Variants in PDZD8 observed in about 807,000 individuals in gnomAD.
The protein encoded by PDZD8 is PDZ domain containing 8.
A neutral mutation model predicts 85.8 loss-of-function variants in PDZD8; 14 were observed. The observed-to-expected ratio is 0.16, with a 90% CI of 0.11 to 0.26. The LOEUF (loss-of-function observed/expected upper bound fraction) is 0.26, where lower values mean the gene tolerates loss of function less well. Among genes scored for constraint, PDZD8 ranks in the 10% least tolerant of loss-of-function variants. The pLI, the probability that PDZD8 is intolerant of heterozygous loss-of-function variation, is 1.00. For missense variants in PDZD8, 1,197 were observed against 1,424.3 expected (o/e 0.84, Z 2.57); for synonymous variants, 592 against 568.6 (o/e 1.04, Z -0.59).
chr10:117,360,942 T>G (rs1419328842), intron 1 of PDZD8, among the ~76,000 whole-genome samples: 1 of 152,136 alleles, frequency 6.6e-6, no homozygotes, highest in Admixed American at 6.6e-5. Flanking sequence ...CTGCTGTTCA[T>G]GTAGATTATG....
intron 1 of PDZD8, 27 bp from the exon 2 acceptor site, chr10:117,341,129 T>A: frequency 3.7e-6 from 6 of 1,605,510 alleles, no homozygotes; most frequent in Non-Finnish European, 5.1e-6. Flanking sequence ...TAAGTCTAAA[T>A]GTCTGAATAA....
In PDZD8 at chr10:117,277,290, A is replaced by G. The variant is rs1326765354; in HGVS notation, c.*5978T>C. The G allele has an allele frequency of 2.8e-6, 4 of 1,422,746 alleles. No individual in the cohort carries two copies. The highest frequency in any genetic ancestry group is 1.4e-5 in the African/African-American group (1 of 71,252). 88.1% of individuals were successfully genotyped at this position (1,422,746 alleles called of 1,614,324 possible). A position where few individuals can be genotyped will look rare whatever the true frequency, so the allele number is the denominator to read the frequency against. On this transcript the variant is annotated 3_prime_UTR_variant, in exon 5 of 5. Transcript: ENST00000334464. The stretch of plus-strand genomic sequence containing the variant: ...GAGATGAGATCCTCAAAAATCATCA[A>G]AGTGTTTAATTGTATAAAACAGTGT...
At chr10:117,303,228 G>A (rs1843877371) in intron 3 of PDZD8, among the ~76,000 whole-genome samples, 1 of 152,204 alleles carries the variant, frequency 6.6e-6, no homozygotes, top group Non-Finnish European at 1.5e-5. Context: ...CTCAGATGGA[G>A]ATGAGGAACT....
At chr10:117,291,454 G>A (rs1222736479) in intron 3 of PDZD8, among the ~76,000 whole-genome samples, 9 of 151,544 alleles carry the variant, frequency 5.9e-5, no homozygotes, top group Non-Finnish European at 1.2e-4. Context: ...GCATGAACCC[G>A]GGAGGCAGAG....
chr10:117,349,638 A>C (rs1844768940), intron 1 of PDZD8, among the ~76,000 whole-genome samples: 1 of 152,080 alleles, frequency 6.6e-6, no homozygotes, highest in African/African-American at 2.4e-5. Flanking sequence ...CCCCATTTCT[A>C]CAAAAAATAC....
chr10:117,365,749 C>A (rs1845077371), intron 1 of PDZD8, among the ~76,000 whole-genome samples: 1 of 152,094 alleles, frequency 6.6e-6, no homozygotes, highest in Admixed American at 6.6e-5. Context: ...CTGCTAATGA[C>A]CAGGTAGTTG....
At chr10:117,296,166 C>G (rs900061309) in intron 3 of PDZD8, among the ~76,000 whole-genome samples, 1 of 134,140 alleles carries the variant, frequency 7.5e-6, no homozygotes, top group Admixed American at 7.9e-5. Context: ...ATGAGTGTCT[C>G]TATATCAGAA....
Position 117,283,906 on chromosome 10 carries a change from A to T in PDZD8, c.2827T>A (p.Ser943Thr), listed in dbSNP as rs1172660621. ...ACTTGACGCAAATTTAATAAACGAG[A>T]ACTAGTATTGATAATATGCCTTGTC... ...GLTRHIINTS[S>T]RLLNLRQVSK... The change falls in exon 5 of 5, where the codon TCT becomes ACT. Residue 943 changes from serine to threonine, a missense_variant. Ser to Thr is a moderately conservative substitution (Grantham distance 58). Transcript: ENST00000334464. The T allele has an allele frequency of 4.3e-6, 7 of 1,614,180 alleles. No homozygotes were observed. Among genetic ancestry groups the T allele is most frequent in the Non-Finnish European group, 5.9e-6 (7 of 1,180,052 alleles).
At chr10:117,316,652 T>C (rs1649801149) in intron 3 of PDZD8, among the ~76,000 whole-genome samples, 2 of 152,316 alleles carry the variant, frequency 1.3e-5, no homozygotes, top group East Asian at 3.9e-4. Flanking sequence ...ATTGTGCCAC[T>C]GCACTCTAGC....
Position 117,285,287 on chromosome 10 carries a change from A to G in PDZD8, c.1446T>C (p.Ala482=). 1 of 1,614,170 alleles carries G rather than the reference A, an allele frequency of 6.2e-7. No individual in the cohort carries two copies. Among genetic ancestry groups the G allele is most frequent in the Non-Finnish European group, 8.5e-7 (1 of 1,180,026 alleles). Residue 482 remains alanine, a synonymous_variant, in exon 5 of 5, where the codon GCT becomes GCC. Coordinates refer to ENST00000334464, the MANE Select transcript of PDZD8 (RefSeq NM_173791.5). ...SSCQSGYEEE[A]AGLTVDTESR... is the part of the protein sequence containing the mutation. ...TTTCAGTATCTACTGTCAACCCGGCAGCTTCCTCTTCATAACCCGATTGGC... is the reference window on the plus strand; with the variant it reads ...TTTCAGTATCTACTGTCAACCCGGCGGCTTCCTCTTCATAACCCGATTGGC...
chr10:117,368,275 T>C (rs892111126), intron 1 of PDZD8, among the ~76,000 whole-genome samples: 4 of 152,162 alleles, frequency 2.6e-5, no homozygotes, highest in Admixed American at 6.5e-5. Flanking sequence ...TGACGAGATA[T>C]AGAGATATGA....
intron 1 of PDZD8, among the ~76,000 whole-genome samples, chr10:117,368,209 G>C (rs1845123508): frequency 6.6e-6 from 1 of 152,108 alleles, no homozygotes; most frequent in Non-Finnish European, 1.5e-5. Flanking sequence ...TTTTTTAAAT[G>C]ACATAATTAT....
At chr10:117,307,476 C>T (rs1425831655) in intron 3 of PDZD8, among the ~76,000 whole-genome samples, 1 of 151,966 alleles carries the variant, frequency 6.6e-6, no homozygotes, top group African/African-American at 2.4e-5. Context: ...CACAATCATT[C>T]ATTTAGGAAA....
At chr10:117,289,451 A>G (rs777342598) in intron 4 of PDZD8, among the ~76,000 whole-genome samples, 12 of 152,210 alleles carry the variant, frequency 7.9e-5, no homozygotes, top group Non-Finnish European at 1.5e-4. Context: ...AAATCTCTCA[A>G]CAAGCCTAGA....
rs188576124 is a variant in PDZD8 at position 117,353,479 on chromosome 10, C to G, written c.873-12377G>C. Among the ~76,000 whole-genome samples the G allele has an allele frequency of 3.3e-5, 5 of 152,148 alleles. No homozygotes were observed. The East Asian group carries it at 9.7e-4, about 29-fold the overall frequency. The stretch of plus-strand genomic sequence containing the variant: ...ATCTCTCTCTGTTCTAATAAAAATC[C>G]ATGCTAGTTTATTATAAGGAACACT... On this transcript the variant is annotated intron_variant, in intron 1 of 4. Transcript: ENST00000334464.
intron 2 of PDZD8, among the ~76,000 whole-genome samples, chr10:117,319,977 G>T (rs1261728664): frequency 6.6e-6 from 1 of 151,972 alleles, no homozygotes; most frequent in Admixed American, 6.6e-5. Context: ...GTGTCCGCAG[G>T]TTAAAGACCT....
intron 3 of PDZD8, among the ~76,000 whole-genome samples, chr10:117,312,795 T>C (rs1276681578): frequency 1.3e-5 from 2 of 152,206 alleles, no homozygotes; most frequent in Non-Finnish European, 2.9e-5. Flanking sequence ...TATATGGCTA[T>C]CTCATTTCCG....
intron 3 of PDZD8, among the ~76,000 whole-genome samples, chr10:117,305,414 AAAACAAAC>A (rs1195531821): frequency 6.6e-6 from 1 of 151,614 alleles, no homozygotes; most frequent in Non-Finnish European, 1.5e-5. Flanking sequence ...CTCTGTCTCA[AAAACAAAC>A]AAACAAACAA....
chr10:117,363,571 T>C (rs779783746), intron 1 of PDZD8, among the ~76,000 whole-genome samples: 5 of 152,176 alleles, frequency 3.3e-5, no homozygotes, highest in Non-Finnish European at 7.4e-5. Context: ...GTTGCAAGTT[T>C]CTGTTTAACT....
Sources: allele counts gnomAD v4.1 joint callset (sites outside exome capture counted in the v4.1 genomes callset), GRCh38; gene constraint gnomAD v4.1.1; transcripts MANE v1.5; gene names NCBI Gene and HGNC (gene_info 2026-07-23, HGNC 2026-07-21).